ALLC: variants seen among roughly 807,000 people sequenced by gnomAD.
ALLC encodes the protein allantoicase, also known as probable inactive allantoicase.
In ALLC, 40 loss-of-function variants were observed where a neutral mutation model predicts 45.0. The observed-to-expected ratio is 0.89, with a 90% CI of 0.69 to 1.16. ALLC has a LOEUF of 1.16. ALLC is among the 50% of genes most tolerant of loss of function. ALLC has a pLI of 0.00. For synonymous variants in ALLC, 176 were observed against 178.1 expected, an observed-to-expected ratio of 0.99 and a Z score of 0.09; for missense variants, 488 against 493.1, an observed-to-expected ratio of 0.99 and a Z score of 0.10.
At position 3,696,443 on chromosome 2, in the gene ALLC, C is replaced by T. The variant is rs1444941045; in HGVS notation, c.741+95C>T. 4.1e-6 allele frequency: 4 copies of T among 983,980 alleles called. No homozygotes were observed. The East Asian group carries it at 7.9e-5, about 19-fold the overall frequency. 61.0% of individuals were successfully genotyped at this position (983,980 alleles called of 1,614,324 possible). On this transcript the variant is annotated intron_variant, in intron 9 of 11. Coordinates refer to ENST00000252505, the MANE Select transcript of ALLC (RefSeq NM_018436.4). ...ATAAACTTTTGCACATTTTAGAAAC[C>T]TCATATGCATTGTTCTAAATGCTAA...
rs923636870 is a variant in ALLC, at chr2:3,680,857, G to A, written c.299-777G>A. Among the ~76,000 whole-genome samples the A allele has an allele frequency of 6.6e-6, 1 of 152,192 alleles. No individual in the cohort carries two copies. Among genetic ancestry groups the A allele is most frequent in the South Asian group, 2.1e-4 (1 of 4,834 alleles). Reference sequence around the variant, plus strand: ...GTAAATCAAGTTGGAAGCAGGACGTGTTCACAGGATTGAGGCTAATCAGAC... The same window carrying A: ...GTAAATCAAGTTGGAAGCAGGACGTATTCACAGGATTGAGGCTAATCAGAC... On this transcript the variant is annotated intron_variant, in intron 5 of 11. Transcript: ENST00000252505. This position sits in a 1 kb window ranked among gnomAD's most constrained non-coding sequence, Gnocchi z 4.0.
chr2:3,667,524 G>C (rs1248655929), intron 1 of ALLC, among the ~76,000 whole-genome samples: 1 of 152,204 alleles, frequency 6.6e-6, no homozygotes, highest in Non-Finnish European at 1.5e-5. Flanking sequence ...CTTTGCAGCT[G>C]CGGGCTGTGA....
At chr2:3,673,030 C>T (rs1666934345) in intron 2 of ALLC, among the ~76,000 whole-genome samples, 1 of 140,262 alleles carries the variant, frequency 7.1e-6, no homozygotes, top group Admixed American at 7.6e-5. Context: ...ACATGGACTC[C>T]AGCCATGGGT....
intron 9 of ALLC, among the ~76,000 whole-genome samples, chr2:3,696,747 C>T (rs192368380): frequency 9.2e-5 from 14 of 152,158 alleles, no homozygotes; most frequent in Non-Finnish European, 1.8e-4. Context: ...ATGGACAGGG[C>T]GCTCTAGAGT....
chr2:3,680,772 G>A lies in ALLC; in HGVS notation c.298+778G>A, dbSNP rs1372134060. Among the ~76,000 whole-genome samples, 1 of 152,112 alleles carries A rather than the reference G, an allele frequency of 6.6e-6. No individual in the cohort carries two copies. Among genetic ancestry groups the A allele is most frequent in the Non-Finnish European group, 1.5e-5 (1 of 68,022 alleles). On this transcript the variant is annotated intron_variant, in intron 5 of 11. Coordinates refer to ENST00000252505, the MANE Select transcript of ALLC (RefSeq NM_018436.4). The surrounding 1 kb of genome is among the most constrained non-coding windows in gnomAD (Gnocchi z 4.0). ...TCCAGAACAGGGAAGAGGGCGGTGT[G>A]CGTCACAGCCTCTGATTTGTGCGAT... is the stretch of plus-strand genomic sequence containing the variant.
chr2:3,660,927 GAAGTT>G (rs907034713), intron 1 of ALLC, among the ~76,000 whole-genome samples: 7 of 135,016 alleles, frequency 5.2e-5, no homozygotes, highest in South Asian at 4.3e-4. Context: ...GCTTTATGAG[GAAGTT>G]AAGTTAAAAG....
chr2:3,692,015 T>G (rs886244472), intron 7 of ALLC, among the ~76,000 whole-genome samples: 4 of 152,232 alleles, frequency 2.6e-5, no homozygotes, highest in African/African-American at 9.6e-5. Flanking sequence ...TGCTTTTGTG[T>G]GTTATCTTTG....
chr2:3,665,611 G>C (rs188258953), intron 1 of ALLC, among the ~76,000 whole-genome samples: 1 of 152,338 alleles, frequency 6.6e-6, no homozygotes, highest in African/African-American at 2.4e-5. Context: ...ATGGCTTCCA[G>C]ATCTACCCAG....
At chr2:3,683,675 C>G (rs1667255916) in intron 7 of ALLC, among the ~76,000 whole-genome samples, 1 of 152,120 alleles carries the variant, frequency 6.6e-6, no homozygotes, top group African/African-American at 2.4e-5. Flanking sequence ...ACTTTTTCCA[C>G]TTAGTATAAT....
intron 7 of ALLC, among the ~76,000 whole-genome samples, chr2:3,684,599 G>A (rs1392451687): frequency 6.6e-6 from 1 of 151,508 alleles, no homozygotes; most frequent in Admixed American, 6.6e-5. Context: ...TCATTCTTAT[G>A]TCTTTGCATC....
At chr2:3,667,688 C>T (rs562585661) in intron 1 of ALLC, among the ~76,000 whole-genome samples, 1 of 152,334 alleles carries the variant, frequency 6.6e-6, no homozygotes, top group African/African-American at 2.4e-5. Context: ...AGGGGGTTCA[C>T]TAAGGACACA....
At chr2:3,686,804 C>A (rs750997034) in intron 7 of ALLC, among the ~76,000 whole-genome samples, 1 of 150,902 alleles carries the variant, frequency 6.6e-6, no homozygotes, top group Non-Finnish European at 1.5e-5. Flanking sequence ...TCCTGAAAAT[C>A]TACTGAATTA....
At chr2:3,652,430 G>A in the ALLC span, among the ~76,000 whole-genome samples, 2 of 152,172 alleles carry the variant, frequency 1.3e-5, no homozygotes, top group South Asian at 2.1e-4. Context: ...CTTTGTAGGC[G>A]TCCATGCCTT....
intron 1 of ALLC, among the ~76,000 whole-genome samples, chr2:3,659,368 C>T (rs1200445280): frequency 6.6e-6 from 1 of 152,170 alleles, no homozygotes; most frequent in Non-Finnish European, 1.5e-5. Context: ...GCCTCATCGC[C>T]TTGCCGTAAC....
rs1160118395 is a variant in ALLC at position 3,680,019 on chromosome 2, A to G, written c.298+25A>G. ...GGTGCGTTAGGAACCACTGTCCCCA[A>G]AATGAGAATTATGGGTCACATGGCT... On this transcript the variant is annotated intron_variant, in intron 5 of 11. Transcript: ENST00000252505. This position sits in a 1 kb window ranked among gnomAD's most constrained non-coding sequence, Gnocchi z 4.0. 1 of 1,612,970 alleles carries G rather than the reference A, an allele frequency of 6.2e-7. No homozygotes were observed. The highest frequency in any genetic ancestry group is 8.5e-7 in the Non-Finnish European group (1 of 1,179,114).
At chr2:3,649,516 C>T in the ALLC span, among the ~76,000 whole-genome samples, 5 of 152,238 alleles carry the variant, frequency 3.3e-5, no homozygotes, top group African/African-American at 9.6e-5. Context: ...GCTGGGATTA[C>T]AGGCGTGAGC....
chr2:3,666,742 G>A (rs550603035), intron 1 of ALLC, among the ~76,000 whole-genome samples: 2 of 152,350 alleles, frequency 1.3e-5, no homozygotes, highest in South Asian at 4.1e-4. Context: ...TTGTGTGTCT[G>A]TGTGGCGGTT....
chr2:3,656,473 G>A (rs1270103357), upstream of ALLC, among the ~76,000 whole-genome samples: 2 of 152,212 alleles, frequency 1.3e-5, no homozygotes, highest in African/African-American at 4.8e-5. Context: ...TGGCTGTTGG[G>A]CACTAGAAAC....
the ALLC span, among the ~76,000 whole-genome samples, chr2:3,652,527 C>CA: frequency 6.6e-6 from 1 of 150,660 alleles, no homozygotes; most frequent in Non-Finnish European, 1.5e-5. Flanking sequence ...ATATCCCAAA[C>CA]AGCGTATATC....
Sources: gnomAD v4.1 joint callset for allele counts (sites outside exome capture counted in the v4.1 genomes callset) on GRCh38, gnomAD v4.1.1 for gene constraint, Gnocchi (gnomAD v3.1) non-coding constraint, MANE v1.5 for transcripts, NCBI Gene and HGNC (gene_info 2026-07-23, HGNC 2026-07-21) for gene names.